The following CORIN variants were observed in gnomAD, a reference collection of about 807,000 sequenced individuals.
CORIN encodes the protein corin, serine peptidase.
A neutral mutation model predicts 125.3 loss-of-function variants in CORIN; 117 were observed. That is an observed-to-expected ratio of 0.93 (90% CI 0.80 to 1.09). The LOEUF (loss-of-function observed/expected upper bound fraction) is 1.09, where lower values mean the gene tolerates loss of function less well. Among genes scored for constraint, CORIN ranks in the 50% least tolerant of loss-of-function variants. The pLI is 0.00. For missense variants in CORIN, 1,253 were observed against 1,306.7 expected (o/e 0.96, Z 0.63); for synonymous variants, 450 against 466.4 (o/e 0.96, Z 0.45).
chr4:47,744,583 A>AC lies in CORIN; in HGVS notation c.618-1dup (p.Ser206ArgfsTer8). The AC allele has an allele frequency of 6.4e-7, 1 of 1,556,478 alleles. No individual in the cohort carries two copies. Among genetic ancestry groups the AC allele is most frequent in the Non-Finnish European group, 8.6e-7 (1 of 1,156,306 alleles). ...AGGACCTACAGGGCAGGAGTCCATG[A>AC]CTAAAAAAAAAAAAAGAGAAAGGTG... On this transcript the variant is annotated frameshift_variant and splice_region_variant. Transcript: ENST00000273857. LOFTEE classifies it high-confidence loss of function.
At chr4:47,808,717 A>C (rs536793304) in intron 1 of CORIN, among the ~76,000 whole-genome samples, 183 of 152,366 alleles carry the variant, frequency 1.2e-3, no homozygotes, top group Non-Finnish European at 2.4e-3. Context: ...ATTGATCTTC[A>C]AGAAGATAAG....
intron 12 of CORIN, among the ~76,000 whole-genome samples, chr4:47,659,605 C>A (rs1025940371): frequency 1.3e-5 from 2 of 152,018 alleles, no homozygotes; most frequent in Admixed American, 1.3e-4. Context: ...TTTAAATGAC[C>A]AGATGTCATG....
chr4:47,661,933 G>T, intron 11 of CORIN, 77 bp from the exon 12 acceptor site: 1 of 1,386,326 alleles, frequency 7.2e-7, no homozygotes, highest in Non-Finnish European at 9.7e-7. Context: ...TTTATGTCAA[G>T]TTTTAATTCT....
At chr4:47,598,039 G>A (rs1353620933) in intron 21 of CORIN, among the ~76,000 whole-genome samples, 2 of 152,140 alleles carry the variant, frequency 1.3e-5, no homozygotes, top group Non-Finnish European at 2.9e-5. Context: ...ACCCCATTAA[G>A]TGCAAAATGA....
At chr4:47,658,727 A>AT (rs888435152) in intron 12 of CORIN, among the ~76,000 whole-genome samples, 2 of 152,276 alleles carry the variant, frequency 1.3e-5, no homozygotes, top group Non-Finnish European at 2.9e-5. Context: ...CCTTCAAGGC[A>AT]TTTTTCCCAT....
chr4:47,688,629 A>G (rs1725631024), intron 6 of CORIN, among the ~76,000 whole-genome samples: 1 of 152,168 alleles, frequency 6.6e-6, no homozygotes, highest in Non-Finnish European at 1.5e-5. Context: ...AACATATTTA[A>G]TAGTTTCTAT....
intron 19 of CORIN, among the ~76,000 whole-genome samples, chr4:47,605,542 T>C (rs952170321): frequency 2.0e-5 from 3 of 152,152 alleles, no homozygotes; most frequent in Non-Finnish European, 2.9e-5. Flanking sequence ...AGAGCTTTAA[T>C]TGTGGGCATT....
chr4:47,701,440 A>G (rs1726287734), intron 5 of CORIN, among the ~76,000 whole-genome samples: 1 of 152,248 alleles, frequency 6.6e-6, no homozygotes, highest in African/African-American at 2.4e-5. Flanking sequence ...AGAGCTAAGT[A>G]TACTTATTGC....
intron 4 of CORIN, among the ~76,000 whole-genome samples, chr4:47,752,186 C>T (rs564451826): frequency 1.3e-5 from 2 of 152,274 alleles, no homozygotes; most frequent in African/African-American, 4.8e-5. Context: ...CCCACCCTCC[C>T]AAAGCTCTCC....
chr4:47,621,158 C>A (rs1288398024), intron 19 of CORIN, among the ~76,000 whole-genome samples: 6 of 152,118 alleles, frequency 3.9e-5, no homozygotes, highest in African/African-American at 1.4e-4. Flanking sequence ...GTGTTTCTTC[C>A]CTTTGAATTA....
rs1729521550 is a variant in CORIN at position 47,762,640 on chromosome 4, C to CTTAT, written c.617+738_617+739insATAA. 5.9e-5 allele frequency among the ~76,000 whole-genome samples: 9 copies of CTTAT among 152,274 alleles called. No homozygotes were observed. The Middle Eastern group carries it at 0.014, about 230-fold the overall frequency. On this transcript the variant is annotated intron_variant, in intron 4 of 21. Transcript: ENST00000273857. ...AACCACCCAACATCTATGTATGGTTCACACTTGCTTTAAAGTATAAGATTT... is the reference window on the plus strand; with the variant it reads ...AACCACCCAACATCTATGTATGGTTCTTATACACTTGCTTTAAAGTATAAGATTT...
intron 1 of CORIN, among the ~76,000 whole-genome samples, chr4:47,813,491 C>A (rs1179675756): frequency 6.6e-6 from 1 of 152,146 alleles, no homozygotes; most frequent in Non-Finnish European, 1.5e-5. Context: ...TTAACATCAG[C>A]CTGCTATTTC....
At chr4:47,757,724 T>C (rs1192475156) in intron 4 of CORIN, among the ~76,000 whole-genome samples, 2 of 151,404 alleles carry the variant, frequency 1.3e-5, no homozygotes, top group African/African-American at 4.9e-5. Context: ...TTAGCACACT[T>C]ATCAGGTCAG....
Position 47,786,912 on chromosome 4 carries a change from C to T in CORIN, c.222G>A (p.Lys74=). ...ILLSYVGTLQ[K]VYFKSNGSEP... ...CACTCCCATTTGATTTAAAATAGAC[C>T]TTTTGTAATGTTCCTGAAAGACAAA... is the stretch of plus-strand genomic sequence containing the variant. The change falls in exon 3 of 22, where the codon AAG becomes AAA. Residue 74 remains lysine, a synonymous_variant. Coordinates refer to ENST00000273857, the MANE Select transcript of CORIN (RefSeq NM_006587.4). The T allele has an allele frequency of 1.2e-6, 2 of 1,610,888 alleles. No individual in the cohort carries two copies. Among genetic ancestry groups the T allele is most frequent in the Non-Finnish European group, 1.7e-6 (2 of 1,177,468 alleles).
rs777589509 is a variant in CORIN, at chr4:47,603,412, G to A, written c.2797C>T (p.His933Tyr). ...DTYCYITGWG[H>Y]MGNKMPFKLQ... ...ACTGGCTTACTTTTATTGCCCATGT[G>A]GCCCCAGCCTGTGATATAGCAGTAC... Residue 933 changes from histidine to tyrosine, a missense_variant, in exon 20 of 22, where the codon CAC becomes TAC. By Grantham distance (83) the His-to-Tyr change is moderately conservative. Transcript: ENST00000273857. The A allele has an allele frequency of 6.2e-7, 1 of 1,613,966 alleles. No homozygotes were observed. Among genetic ancestry groups the A allele is most frequent in the South Asian group, 1.1e-5 (1 of 91,080 alleles).
intron 19 of CORIN, among the ~76,000 whole-genome samples, chr4:47,614,649 T>C (rs1025991958): frequency 2.6e-5 from 4 of 152,232 alleles, no homozygotes; most frequent in African/African-American, 9.6e-5. Flanking sequence ...GTGAGATCAC[T>C]GACTCTCTGT....
At chr4:47,786,555 AC>A (rs1358085914) in intron 3 of CORIN, among the ~76,000 whole-genome samples, 169 bp downstream of exon 3, 1 of 151,876 alleles carries the variant, frequency 6.6e-6, no homozygotes, top group Non-Finnish European at 1.5e-5. Flanking sequence ...AACAACAACA[AC>A]AACAACAACA....
At chr4:47,659,022 T>A (rs1425316803) in intron 12 of CORIN, among the ~76,000 whole-genome samples, 1 of 152,182 alleles carries the variant, frequency 6.6e-6, no homozygotes, top group Non-Finnish European at 1.5e-5. Context: ...CACTCTGAAG[T>A]TCCAACTTCA....
At chr4:47,660,398 A>G (rs533648046) in intron 12 of CORIN, among the ~76,000 whole-genome samples, 2 of 152,322 alleles carry the variant, frequency 1.3e-5, no homozygotes, top group South Asian at 4.1e-4. Flanking sequence ...AACTCACAGA[A>G]TGGGAGAAAA....
Sources: allele counts gnomAD v4.1 joint callset (sites outside exome capture counted in the v4.1 genomes callset), GRCh38; gene constraint gnomAD v4.1.1; transcripts MANE v1.5; gene names NCBI Gene and HGNC (gene_info 2026-07-23, HGNC 2026-07-21).